The following CRELD2 variants were observed in gnomAD, a reference collection of about 807,000 sequenced individuals.
The protein encoded by CRELD2 is protein disulfide isomerase CRELD2.
Under a neutral mutation model 48.1 loss-of-function variants are expected in CRELD2, and 33 were observed. That is an observed-to-expected ratio of 0.69 (90% CI 0.52 to 0.92). The LOEUF is 0.92. CRELD2 is among the 40% of genes least tolerant of loss of function. The probability of loss-of-function intolerance (pLI) is 0.00; values close to 1 mark genes in which losing one functional copy is unlikely to be tolerated. For synonymous variants in CRELD2, 220 were observed against 203.9 expected, an observed-to-expected ratio of 1.08 and a Z score of -0.67; for missense variants, 477 against 482.4, an observed-to-expected ratio of 0.99 and a Z score of 0.10.
At chr22:49,922,434 T>G in intron 5 of CRELD2, 178 bp from the exon 6 acceptor site, 1 of 1,596,150 alleles carries the variant, frequency 6.3e-7, no homozygotes, top group Non-Finnish European at 8.6e-7. Flanking sequence ...GATAGCTGCC[T>G]TCTCTCCAGG....
At chr22:49,923,203 G>A in intron 6 of CRELD2, 31 bp from the exon 7 acceptor site, 1 of 1,528,628 alleles carries the variant, frequency 6.5e-7, no homozygotes, top group South Asian at 1.3e-5. Flanking sequence ...GGCTGTCCTG[G>A]GCCGCTCACA....
chr22:49,927,375 G>A lies in CRELD2; in HGVS notation c.*68G>A, dbSNP rs529933990. On this transcript the variant is annotated 3_prime_UTR_variant, in exon 10 of 10. Coordinates refer to ENST00000328268, the MANE Select transcript of CRELD2 (RefSeq NM_024324.5). ...TGGAAAATGTGGCCCTGAGGATGCC[G>A]TCTCCTGCAGTGGACAGCGGCGGGG... The A allele has an allele frequency of 8.6e-5, 114 of 1,322,580 alleles. No individual in the cohort carries two copies. The highest frequency in any genetic ancestry group is 3.0e-4 in the East Asian group (13 of 43,470). 81.9% of individuals were successfully genotyped at this position (1,322,580 alleles called of 1,614,324 possible).
intron 1 of CRELD2, 105 bp from the exon 2 acceptor site, chr22:49,919,125 G>T: frequency 8.2e-7 from 1 of 1,225,416 alleles, no homozygotes; most frequent in South Asian, 1.3e-5. Flanking sequence ...AACCAGGGTC[G>T]ACGCCACCGT....
At chr22:49,925,237 A>G in intron 8 of CRELD2, 180 bp from the exon 9 acceptor site, 1 of 528,182 alleles carries the variant, frequency 1.9e-6, no homozygotes, top group Non-Finnish European at 3.3e-6. Flanking sequence ...TGAGGGCCCA[A>G]CTTGGAGACG....
At chr22:49,920,114 C>A (rs770593818) in intron 3 of CRELD2, 42 bp from the exon 4 acceptor site, 2 of 1,314,156 alleles carry the variant, frequency 1.5e-6, no homozygotes, top group South Asian at 1.2e-5. Context: ...TTTAAAGAAC[C>A]GTGTCTGCTG....
At chr22:49,922,905 CGT>C (rs2060714656) in intron 6 of CRELD2, among the ~76,000 whole-genome samples, 198 bp downstream of exon 6, 1 of 49,776 alleles carries the variant, frequency 2.0e-5, no homozygotes, top group Admixed American at 2.4e-4. Flanking sequence ...TGAGGTGGGG[CGT>C]GAGGTGTGGG....
Position 49,921,780 on chromosome 22 carries a change from C to A in CRELD2, c.592+19C>A. 6.3e-7 allele frequency: 1 copy of A among 1,594,702 alleles called. No homozygotes were observed. The highest frequency in any genetic ancestry group is 1.1e-5 in the South Asian group (1 of 89,982). On this transcript the variant is annotated intron_variant, in intron 5 of 9. Coordinates refer to ENST00000328268, the MANE Select transcript of CRELD2 (RefSeq NM_024324.5). ...TGCACAGGTACGGGCTACGCCTGGG[C>A]TGGCCCCGGGGTTGAGGCGGGATGA...
At chr22:49,920,460 G>T (rs1408789251) in intron 4 of CRELD2, among the ~76,000 whole-genome samples, 1 of 152,214 alleles carries the variant, frequency 6.6e-6, no homozygotes, top group African/African-American at 2.4e-5. Context: ...TCATGCTTTA[G>T]CGTAAAACTC....
intron 8 of CRELD2, 64 bp downstream of exon 8, chr22:49,924,519 C>A: frequency 1.6e-6 from 2 of 1,218,452 alleles, no homozygotes; most frequent in Non-Finnish European, 1.2e-6. Context: ...ATGTGAATGG[C>A]CCCAGCAGGT....
intron 3 of CRELD2, 89 bp from the exon 4 acceptor site, chr22:49,920,067 A>T (rs2060666288): frequency 6.7e-6 from 6 of 889,966 alleles, no homozygotes; most frequent in African/African-American, 3.3e-5. Flanking sequence ...ACCTTACAAT[A>T]CTCCAGAGCA....
intron 4 of CRELD2, 116 bp downstream of exon 4, chr22:49,920,363 C>T: frequency 1.4e-6 from 1 of 693,828 alleles, no homozygotes; most frequent in South Asian, 1.8e-5. Flanking sequence ...TCTGTAGGGT[C>T]TGGGACCCTG....
chr22:49,924,802 T>C, intron 8 of CRELD2: 2 of 191,488 alleles, frequency 1.0e-5, no homozygotes, highest in Non-Finnish European at 1.1e-5. Context: ...GTGGGCTGCC[T>C]GGGTGAGCCT....
chr22:49,924,533 GC>G, intron 8 of CRELD2, 78 bp downstream of exon 8: 1 of 1,089,686 alleles, frequency 9.2e-7, no homozygotes. Flanking sequence ...AGCAGGTACT[GC>G]CAGGGATGGG....
chr22:49,927,100 C>T lies in CRELD2; in HGVS notation c.1010-155C>T, dbSNP rs141255855. Reference sequence around the variant, plus strand: ...CATCTCTCATCTGCTTTGTGGGAAACGGGGGTCTCCGAGCTGCCCTTGGAT... The same window carrying T: ...CATCTCTCATCTGCTTTGTGGGAAATGGGGGTCTCCGAGCTGCCCTTGGAT... On this transcript the variant is annotated intron_variant, in intron 9 of 9. Transcript: ENST00000328268. 3.5e-3 allele frequency among the ~76,000 whole-genome samples: 532 copies of T among 151,252 alleles called. 3 individuals are homozygous for T. The highest frequency in any genetic ancestry group is 0.012 in the African/African-American group (499 of 41,174).
chr22:49,924,528 G>A, intron 8 of CRELD2, 73 bp downstream of exon 8: 1 of 1,130,886 alleles, frequency 8.8e-7, no homozygotes, highest in Non-Finnish European at 1.3e-6. Context: ...GCCCCAGCAG[G>A]TACTGCCAGG....
intron 5 of CRELD2, 59 bp from the exon 6 acceptor site, chr22:49,922,553 T>C: frequency 2.0e-6 from 3 of 1,487,128 alleles, no homozygotes; most frequent in Non-Finnish European, 2.7e-6. Context: ...AAACGAGCCT[T>C]GTCCCCAAGC....
At chr22:49,923,132 C>A in intron 6 of CRELD2, 102 bp from the exon 7 acceptor site, 1 of 931,618 alleles carries the variant, frequency 1.1e-6, no homozygotes, top group South Asian at 1.7e-5. Flanking sequence ...TGCCCTTCCC[C>A]AGCCGGCCCT....
intron 9 of CRELD2, among the ~76,000 whole-genome samples, chr22:49,926,930 C>T (rs2060774217): frequency 1.1e-5 from 1 of 93,238 alleles, no homozygotes; most frequent in Non-Finnish European, 2.2e-5. Flanking sequence ...TCCTACCTCC[C>T]CCACCCTCGG....
chr22:49,922,109 G>T, intron 5 of CRELD2: 1 of 691,432 alleles, frequency 1.4e-6, no homozygotes, highest in South Asian at 2.0e-5. Context: ...TCAAATCCCT[G>T]CAGGCCGTTA....
Sources: gnomAD v4.1 joint callset for allele counts (sites outside exome capture counted in the v4.1 genomes callset) on GRCh38, gnomAD v4.1.1 for gene constraint, MANE v1.5 for transcripts, NCBI Gene and HGNC (gene_info 2026-07-23, HGNC 2026-07-21) for gene names.